Variants in TAF7L observed in about 807,000 individuals in gnomAD.
The protein encoded by TAF7L is transcription initiation factor TFIID subunit 7-like.
A neutral mutation model predicts 30.2 loss-of-function variants in TAF7L; 6 were observed. The ratio of observed to expected loss-of-function variants is 0.20; its 90% CI spans 0.11 to 0.39. The LOEUF (loss-of-function observed/expected upper bound fraction) is 0.39, where lower values mean the gene tolerates loss of function less well. Among genes scored for constraint, TAF7L ranks in the 10% least tolerant of loss-of-function variants. The pLI is 1.00. For missense variants in TAF7L, 284 were observed against 277.1 expected (o/e 1.03, Z -0.18); for synonymous variants, 93 against 94.5 (o/e 0.98, Z 0.09).
chrX:101,287,711 CTTAA>C (rs1924654803), intron 1 of TAF7L, 166 bp from the exon 2 acceptor site: 1 of 376,027 alleles, frequency 2.7e-6, no homozygotes, highest in Non-Finnish European at 4.7e-6. Context: ...TTTGACATAA[CTTAA>C]TTATTTCTAG....
chrX:101,291,588 C>T (rs1335846466), upstream of TAF7L, among the ~76,000 whole-genome samples: 1 of 112,419 alleles, frequency 8.9e-6, no homozygotes, highest in Non-Finnish European at 1.9e-5. Context: ...TTACCTTGGC[C>T]AGGCGCGGTG....
intron 3 of TAF7L, 147 bp from the exon 4 acceptor site, chrX:101,283,730 A>AGCATT: frequency 1.7e-6 from 1 of 588,135 alleles, no homozygotes; most frequent in Non-Finnish European, 2.6e-6. Flanking sequence ...GTACACAATT[A>AGCATT]ATAGCTTCCT....
rs780584203 is a variant in TAF7L at position 101,271,484 on chromosome X, A to G, written c.1087-2247T>C. On this transcript the variant is annotated intron_variant, in intron 12 of 12. Coordinates refer to ENST00000356784, the MANE Select transcript of TAF7L (RefSeq NM_001168474.2). Reference sequence around the variant, plus strand: ...CACAATGTTAAGTATTTGTGTATCTAAACATAGAAAAGGTAAACTAAAAAT... The same window carrying G: ...CACAATGTTAAGTATTTGTGTATCTGAACATAGAAAAGGTAAACTAAAAAT... Among the ~76,000 whole-genome samples the G allele has an allele frequency of 7.2e-4, 80 of 111,605 alleles. 1 individual carries two copies. The highest frequency in any genetic ancestry group is 1.1e-3 in the Non-Finnish European group (56 of 53,143).
upstream of TAF7L, among the ~76,000 whole-genome samples, chrX:101,291,606 A>T (rs987205398): frequency 3.7e-5 from 4 of 108,152 alleles, no homozygotes; most frequent in African/African-American, 1.3e-4. Context: ...GTGGCTCACG[A>T]CTGTAATCCC....
intron 1 of TAF7L, among the ~76,000 whole-genome samples, chrX:101,290,561 C>T (rs1270238452): frequency 2.7e-5 from 3 of 111,693 alleles, no homozygotes; most frequent in African/African-American, 6.5e-5. Context: ...TTGTTCATTT[C>T]CAAGCCTTTT....
chrX:101,291,460 C>G (rs1391873186), upstream of TAF7L: 1 of 189,453 alleles, frequency 5.3e-6, no homozygotes, highest in Non-Finnish European at 8.1e-6. Flanking sequence ...CCGCTCACCG[C>G]GTGCTGGGCG....
upstream of TAF7L, chrX:101,292,937 G>A (rs747747414): frequency 3.6e-5 from 44 of 1,208,219 alleles, no homozygotes; most frequent in South Asian, 5.1e-4. Flanking sequence ...TCAGACCCAC[G>A]GTCGACAAGA....
chrX:101,275,328 A>C (rs774873411), intron 11 of TAF7L, 47 bp from the exon 12 acceptor site: 59 of 923,944 alleles, frequency 6.4e-5, no homozygotes, highest in Non-Finnish European at 8.4e-5. Flanking sequence ...CTCAAAGAAA[A>C]AAAAAAAAAC....
At chrX:101,283,322 T>G (rs1029522947) in intron 4 of TAF7L, 128 bp downstream of exon 4, 18 of 729,519 alleles carry the variant, frequency 2.5e-5, no homozygotes, top group Non-Finnish European at 3.1e-5. Context: ...TCCTGTGCAG[T>G]CAATCTGGAA....
intron 5 of TAF7L, 108 bp from the exon 6 acceptor site, chrX:101,281,883 T>G: frequency 7.6e-6 from 4 of 526,393 alleles, no homozygotes; most frequent in Admixed American, 4.2e-5. Context: ...ATGACATCAC[T>G]CCTTTTTTTT....
intron 12 of TAF7L, among the ~76,000 whole-genome samples, chrX:101,273,065 C>T (rs1196630741): frequency 8.9e-6 from 1 of 111,766 alleles, no homozygotes; most frequent in Non-Finnish European, 1.9e-5. Flanking sequence ...CGCACCACCG[C>T]ACCCAGCCTA....
In TAF7L at chrX:101,283,580, T is replaced by C. The variant is rs138089236; in HGVS notation, c.149A>G (p.Asp50Gly). Residue 50 changes from aspartate to glycine, a missense_variant, in exon 4 of 13, where the codon GAT becomes GGT. Transcript: ENST00000356784. ...KDKLKIDLLPDGRHAVVEVED... is the reference protein window; with the variant it reads ...KDKLKIDLLPGGRHAVVEVED... Reference sequence around the variant, plus strand: ...TACTTCAACAACTGCATGGCGCCCATCAGCTGAAGAGAAGTAAAGATTAAA... The same window carrying C: ...TACTTCAACAACTGCATGGCGCCCACCAGCTGAAGAGAAGTAAAGATTAAA... 59 of 1,208,930 alleles carry C rather than the reference T, an allele frequency of 4.9e-5. No individual in the cohort carries two copies. Among genetic ancestry groups the C allele is most frequent in the Non-Finnish European group, 6.5e-5 (58 of 894,860 alleles).
chrX:101,286,306 G>A (rs1924598187), intron 3 of TAF7L, among the ~76,000 whole-genome samples: 1 of 111,236 alleles, frequency 9.0e-6, no homozygotes, highest in African/African-American at 3.3e-5. Context: ...TTTATATATG[G>A]GAGGCTACCA....
chrX:101,272,455 T>C (rs752562035), intron 12 of TAF7L, among the ~76,000 whole-genome samples: 178 of 111,647 alleles, frequency 1.6e-3, no homozygotes, highest in Non-Finnish European at 3.0e-3. Context: ...CAGTTTTAAA[T>C]GGAAAAAAGT....
rs781537217 is a variant in TAF7L, at chrX:101,282,191, G to A, written c.406+136C>T. On this transcript the variant is annotated intron_variant, in intron 5 of 12. Coordinates refer to ENST00000356784, the MANE Select transcript of TAF7L (RefSeq NM_001168474.2). ...GTGAGCCACCGCGCCCAGCTGACGTGACTCCTCTTAAAGAGTATCTGAGAA... is the reference window on the plus strand; with the variant it reads ...GTGAGCCACCGCGCCCAGCTGACGTAACTCCTCTTAAAGAGTATCTGAGAA... 81 of 883,096 alleles carry A rather than the reference G, an allele frequency of 9.2e-5. No homozygotes were observed. In the South Asian group the frequency reaches 1.8e-3, roughly 20 times the overall value. The allele number at this position is 883,096 out of a possible 1,213,427, so 72.8% of individuals were successfully genotyped here. A position where few individuals can be genotyped will look rare whatever the true frequency, so the allele number is the denominator to read the frequency against.
intron 2 of TAF7L, among the ~76,000 whole-genome samples, chrX:101,286,918 T>C (rs979125680): frequency 4.5e-5 from 5 of 112,062 alleles, no homozygotes; most frequent in Non-Finnish European, 7.5e-5. Context: ...TACCCTTCTG[T>C]TGTAGTTGCT....
At chrX:101,285,518 A>G (rs1301759988) in intron 3 of TAF7L, among the ~76,000 whole-genome samples, 1 of 107,441 alleles carries the variant, frequency 9.3e-6, no homozygotes, top group Non-Finnish European at 1.9e-5. Flanking sequence ...AAAAAAAAAA[A>G]AGGCTGTATT....
chrX:101,279,832 A>G (rs1038451875), intron 6 of TAF7L, among the ~76,000 whole-genome samples: 3 of 111,112 alleles, frequency 2.7e-5, no homozygotes, highest in Non-Finnish European at 5.7e-5. Flanking sequence ...AGCCCAACTG[A>G]TATTTCACAA....
rs1027181891 is a variant in TAF7L at position 101,268,571 on chromosome X, C to G, written c.*622G>C. On this transcript the variant is annotated 3_prime_UTR_variant, in exon 13 of 13. Coordinates refer to ENST00000356784, the MANE Select transcript of TAF7L (RefSeq NM_001168474.2). The stretch of plus-strand genomic sequence containing the variant: ...CAGGAATGCAGTCCTGTTACCTGAA[C>G]AGAGACAGAACACAATCTAGTATTA... 11 of 112,012 alleles carry G rather than the reference C, an allele frequency of 9.8e-5. No homozygotes were observed. Among genetic ancestry groups the G allele is most frequent in the African/African-American group, 3.2e-4 (10 of 30,803 alleles). The allele number at this position is 112,012 out of a possible 1,213,427, so 9.2% of individuals were successfully genotyped here. A position where few individuals can be genotyped will look rare whatever the true frequency, so the allele number is the denominator to read the frequency against.
Sources: allele counts gnomAD v4.1 joint callset (sites outside exome capture counted in the v4.1 genomes callset), GRCh38; gene constraint gnomAD v4.1.1; transcripts MANE v1.5; gene names NCBI Gene and HGNC (gene_info 2026-07-23, HGNC 2026-07-21).